IMMP2L: variants seen among roughly 807,000 people sequenced by gnomAD.
The protein encoded by IMMP2L is mitochondrial inner membrane protease subunit 2.
IMMP2L carries 18 observed loss-of-function variants against 19.3 expected under a neutral mutation model. That is an observed-to-expected ratio of 0.93 (90% CI 0.64 to 1.38). The LOEUF is 1.38. Ranked by LOEUF, IMMP2L falls within the 40% of genes most tolerant of loss-of-function variation. IMMP2L has a pLI of 0.00. For missense variants in IMMP2L, 233 were observed against 218.2 expected (o/e 1.07, Z -0.43); for synonymous variants, 76 against 73.0 (o/e 1.04, Z -0.21).
chr7:111,405,943 A>G (rs922373618), intron 3 of IMMP2L, among the ~76,000 whole-genome samples: 2 of 152,152 alleles, frequency 1.3e-5, no homozygotes, highest in Non-Finnish European at 2.9e-5. Flanking sequence ...AGGACTAGAT[A>G]GTGCTTCTGA....
intron 3 of IMMP2L, among the ~76,000 whole-genome samples, chr7:111,468,176 T>C (rs572916873): frequency 6.6e-6 from 1 of 152,310 alleles, no homozygotes; most frequent in African/African-American, 2.4e-5. Context: ...AAAAGTCAGC[T>C]GAGCTGTACA....
chr7:111,270,259 C>A (rs1191012561), intron 3 of IMMP2L, among the ~76,000 whole-genome samples: 1 of 152,132 alleles, frequency 6.6e-6, no homozygotes, highest in Admixed American at 6.6e-5. Flanking sequence ...TACTGTAGCA[C>A]AGATTCCATT....
chr7:110,963,443 G>C lies in IMMP2L; in HGVS notation c.305+57C>G, dbSNP rs377251313. The C allele has an allele frequency of 4.1e-6, 5 of 1,219,804 alleles. No individual in the cohort carries two copies. In the African/African-American group the frequency reaches 7.6e-5, roughly 19 times the overall value. 75.6% of individuals were successfully genotyped at this position (1,219,804 alleles called of 1,614,324 possible). Reference sequence around the variant, plus strand: ...TCAGATGTATTTCCCAAGTAATGTAGGTAACAGAACTCTAGATATTTAAAA... The same window carrying C: ...TCAGATGTATTTCCCAAGTAATGTACGTAACAGAACTCTAGATATTTAAAA... On this transcript the variant is annotated intron_variant, in intron 4 of 5. Coordinates refer to ENST00000405709, the MANE Select transcript of IMMP2L (RefSeq NM_032549.4).
intron 5 of IMMP2L, among the ~76,000 whole-genome samples, chr7:110,792,641 G>A (rs1430422131): frequency 6.6e-6 from 1 of 151,936 alleles, no homozygotes; most frequent in East Asian, 1.9e-4. Context: ...CACTGCAGTG[G>A]TACATTGATT....
chr7:110,957,691 T>C (rs1818495971), intron 4 of IMMP2L, among the ~76,000 whole-genome samples: 2 of 151,942 alleles, frequency 1.3e-5, no homozygotes, highest in African/African-American at 4.8e-5. Flanking sequence ...AACTCACCTA[T>C]CCATTTTAGG....
At chr7:111,453,053 C>T (rs1339773933) in intron 3 of IMMP2L, among the ~76,000 whole-genome samples, 1 of 152,128 alleles carries the variant, frequency 6.6e-6, no homozygotes, top group African/African-American at 2.4e-5. Context: ...TGAGGTAGCA[C>T]TACCTAAACT....
chr7:111,042,305 G>A (rs1459736072), intron 3 of IMMP2L, among the ~76,000 whole-genome samples: 1 of 152,070 alleles, frequency 6.6e-6, no homozygotes, highest in Admixed American at 6.6e-5. Context: ...TCAGCCTTCT[G>A]AGTAGCTGGG....
intron 3 of IMMP2L, among the ~76,000 whole-genome samples, chr7:111,424,717 T>C (rs570374815): frequency 3.3e-5 from 5 of 151,898 alleles, no homozygotes; most frequent in Non-Finnish European, 7.4e-5. Context: ...ATTAAAACTA[T>C]ATTTTCAACA....
chr7:111,454,353 TTTTTA>T (rs1251760495), intron 3 of IMMP2L, among the ~76,000 whole-genome samples: 4 of 152,226 alleles, frequency 2.6e-5, no homozygotes, highest in African/African-American at 9.6e-5. Context: ...AAGTTAAAAT[TTTTTA>T]TTTTAATTTT....
intron 4 of IMMP2L, among the ~76,000 whole-genome samples, chr7:110,908,678 G>A (rs1250961304): frequency 6.6e-6 from 1 of 152,162 alleles, no homozygotes; most frequent in Non-Finnish European, 1.5e-5. Flanking sequence ...AACTATTTAT[G>A]CTTAGAAGCC....
intron 5 of IMMP2L, among the ~76,000 whole-genome samples, chr7:110,844,349 A>T (rs1227846762): frequency 2.0e-5 from 3 of 152,122 alleles, no homozygotes; most frequent in Non-Finnish European, 2.9e-5. Flanking sequence ...TTCATAAAAG[A>T]GATAAACATG....
intron 3 of IMMP2L, among the ~76,000 whole-genome samples, chr7:111,147,724 G>A (rs997486397): frequency 4.6e-5 from 7 of 152,082 alleles, no homozygotes; most frequent in Middle Eastern, 3.4e-3. Flanking sequence ...AGGCAGGAGC[G>A]ACCACTTCTG....
intron 4 of IMMP2L, among the ~76,000 whole-genome samples, chr7:110,953,463 C>A (rs1818040782): frequency 6.6e-6 from 1 of 152,072 alleles, no homozygotes; most frequent in Non-Finnish European, 1.5e-5. Flanking sequence ...ATGATGGTTT[C>A]CAGCTTCATC....
chr7:110,882,341 C>CTTT, intron 5 of IMMP2L, among the ~76,000 whole-genome samples: 1 of 146,850 alleles, frequency 6.8e-6, no homozygotes, highest in African/African-American at 2.5e-5. Flanking sequence ...TCCTTCCTTC[C>CTTT]CTCCTTCCTC....
chr7:111,289,495 G>A (rs1049180523), intron 3 of IMMP2L, among the ~76,000 whole-genome samples: 1 of 151,858 alleles, frequency 6.6e-6, no homozygotes, highest in Non-Finnish European at 1.5e-5. Flanking sequence ...AAGATTTAGT[G>A]CTTAATTTGT....
chr7:111,458,238 C>A (rs185702976), intron 3 of IMMP2L, among the ~76,000 whole-genome samples: 1 of 151,900 alleles, frequency 6.6e-6, no homozygotes, highest in Non-Finnish European at 1.5e-5. Context: ...TTTAGCTGGG[C>A]GTGATGGCGT....
At chr7:111,057,392 A>G (rs1037153264) in intron 3 of IMMP2L, among the ~76,000 whole-genome samples, 2 of 141,366 alleles carry the variant, frequency 1.4e-5, no homozygotes, top group Non-Finnish European at 3.1e-5. Context: ...TTCTATTGTA[A>G]TTCTTATTAA....
intron 5 of IMMP2L, among the ~76,000 whole-genome samples, chr7:110,755,951 A>G (rs1389519993): frequency 6.6e-6 from 1 of 152,122 alleles, no homozygotes; most frequent in Non-Finnish European, 1.5e-5. Flanking sequence ...AAAGGAGGTC[A>G]TTCATGCTAT....
At chr7:111,039,181 A>G (rs2129570557) in intron 3 of IMMP2L, among the ~76,000 whole-genome samples, 1 of 152,324 alleles carries the variant, frequency 6.6e-6, no homozygotes, top group African/African-American at 2.4e-5. Context: ...TGTTCCGACC[A>G]TCAATTCAAA....
Sources: gnomAD v4.1 joint callset for allele counts (sites outside exome capture counted in the v4.1 genomes callset) on GRCh38, gnomAD v4.1.1 for gene constraint, MANE v1.5 for transcripts, NCBI Gene and HGNC (gene_info 2026-07-23, HGNC 2026-07-21) for gene names.